ESF1: variants seen among roughly 807,000 people sequenced by gnomAD.
ESF1 encodes ESF1 homolog.
A neutral mutation model predicts 92.0 loss-of-function variants in ESF1; 58 were observed. The observed-to-expected ratio is 0.63, with a 90% confidence interval of 0.51 to 0.78. The LOEUF (loss-of-function observed/expected upper bound fraction) is 0.78, where lower values mean the gene tolerates loss of function less well. ESF1 is among the 30% of genes least tolerant of loss of function. The pLI, the probability that ESF1 is intolerant of heterozygous loss-of-function variation, is 0.00. For missense variants in ESF1, 922 were observed against 989.1 expected, an observed-to-expected ratio of 0.93 and a Z score of 0.91; for synonymous variants, 321 against 313.7, an observed-to-expected ratio of 1.02 and a Z score of -0.24.
chr20:13,782,792 T>C lies in ESF1; in HGVS notation c.349A>G (p.Thr117Ala). 2.5e-6 allele frequency: 4 copies of C among 1,604,652 alleles called. No individual in the cohort carries two copies. The highest frequency in any genetic ancestry group is 3.4e-6 in the Non-Finnish European group (4 of 1,177,950). ...GAACCCTTGTGATTAGCCTTCTTGG[T>C]TTCTTTCTTTTTCTCAACTAGATTT... ...SKNLVEKKKETKKANHKGSEN... is the reference protein window; with the variant it reads ...SKNLVEKKKEAKKANHKGSEN... Residue 117 changes from threonine (T) to alanine (A), a missense_variant, in exon 2 of 14, where the codon ACC (threonine) becomes GCC (alanine). Coordinates refer to ENST00000617257, the MANE Select transcript of ESF1 (RefSeq NM_001276380.2).
chr20:13,717,956 CTT>C (rs758741323), intron 12 of ESF1, among the ~76,000 whole-genome samples: 3 of 134,618 alleles, frequency 2.2e-5, no homozygotes. Flanking sequence ...TTTTTTTTTG[CTT>C]TTTTTTTTTT....
chr20:13,727,595 T>C (rs558896912), intron 11 of ESF1, among the ~76,000 whole-genome samples: 2 of 152,164 alleles, frequency 1.3e-5, no homozygotes, highest in Non-Finnish European at 2.9e-5. Context: ...TGAGAACAAA[T>C]GGTAAATCCT....
At position 13,772,415 on chromosome 20, in the gene ESF1, C is replaced by A; in HGVS notation, c.1250+100G>T. 5 of 839,834 alleles carry A rather than the reference C, an allele frequency of 6.0e-6. No homozygotes were observed. The South Asian group carries it at 6.4e-5, about 11-fold the overall frequency. The allele number at this position is 839,834 out of a possible 1,614,324, so 52.0% of individuals were successfully genotyped here. ...CAACCTGTTTTAACCACGAATGGCA[C>A]AAGTATAAACTTTAGTTTTAACTAT... is the stretch of plus-strand genomic sequence containing the variant. On this transcript the variant is annotated intron_variant, in intron 5 of 13. Transcript: ENST00000617257.
At chr20:13,716,642 CTTTTTTTTTTTTT>C (rs1274212917) in intron 13 of ESF1, among the ~76,000 whole-genome samples, 1 of 132,882 alleles carries the variant, frequency 7.5e-6, no homozygotes. Context: ...CTTTTTTTTT[CTTTTTTTTTTTTT>C]TTTGAGACAG....
intron 8 of ESF1, among the ~76,000 whole-genome samples, chr20:13,761,378 T>G (rs1486160134): frequency 7.9e-6 from 1 of 127,222 alleles, no homozygotes; most frequent in East Asian, 2.3e-4. Flanking sequence ...AATGATCAAT[T>G]AAAAAAAAAT....
rs58809594 is a variant in ESF1 at position 13,748,592 on chromosome 20, ATTTTTTT to A, written c.1828+11093_1828+11099del. 3.8e-4 allele frequency among the ~76,000 whole-genome samples: 36 copies of A among 95,722 alleles called. 1 individual carries two copies. The South Asian group carries it at 5.0e-3, about 13-fold the overall frequency. The allele number at this position is 95,722 out of a possible 152,430, so 62.8% of individuals were successfully genotyped here. On this transcript the variant is annotated intron_variant, in intron 9 of 13. Transcript: ENST00000617257. ...TGTGTGTGTATATATATATATATAT[ATTTTTTT>A]TTTTTTGAGATGGAGTGTTGCTCTG...
chr20:13,721,273 C>T (rs553147664), intron 11 of ESF1, among the ~76,000 whole-genome samples: 2 of 152,262 alleles, frequency 1.3e-5, no homozygotes, highest in South Asian at 4.1e-4. Context: ...AATTATTTCG[C>T]CTATCTCACA....
At chr20:13,748,255 C>T (rs1185400882) in intron 9 of ESF1, among the ~76,000 whole-genome samples, 1 of 152,006 alleles carries the variant, frequency 6.6e-6, no homozygotes, top group Non-Finnish European at 1.5e-5. Flanking sequence ...TTAAGCAAGT[C>T]TATGCTTCAG....
At chr20:13,754,504 T>C (rs144941348) in intron 9 of ESF1, among the ~76,000 whole-genome samples, 154 of 152,318 alleles carry the variant, frequency 1.0e-3, no homozygotes, top group African/African-American at 3.6e-3. Context: ...CCCTGTACTC[T>C]TAACTGTATA....
chr20:13,763,140 C>T (rs928633812), intron 8 of ESF1, among the ~76,000 whole-genome samples: 58 of 152,070 alleles, frequency 3.8e-4, no homozygotes, highest in Non-Finnish European at 6.5e-4. Flanking sequence ...GGATTACAGG[C>T]GTGAGCTGCC....
Position 13,775,202 on chromosome 20 carries a change from C to T in ESF1, c.1104G>A (p.Leu368=). The T allele has an allele frequency of 1.2e-6, 2 of 1,610,484 alleles. No homozygotes were observed. Among genetic ancestry groups the T allele is most frequent in the African/African-American group, 1.3e-5 (1 of 74,822 alleles). The part of the protein sequence containing the change: ...DRLKAKDLLA[L]FNSFKPKGGV... The stretch of plus-strand genomic sequence containing the variant: ...CTCCTTTGGGTTTAAATGAATTGAA[C>T]AGAGCCAGCAAATCTTTTGCCTTTA... Residue 368 remains leucine (L), a synonymous_variant, in exon 4 of 14, where the codon CTG becomes CTA. Coordinates refer to ENST00000617257, the MANE Select transcript of ESF1 (RefSeq NM_001276380.2).
chr20:13,747,146 A>G (rs2069228587), intron 9 of ESF1, among the ~76,000 whole-genome samples: 1 of 152,070 alleles, frequency 6.6e-6, no homozygotes, highest in South Asian at 2.1e-4. Context: ...AAACAGAGTA[A>G]TCCTTTAAGG....
chr20:13,744,056 T>C (rs769724209), intron 9 of ESF1, among the ~76,000 whole-genome samples: 1 of 152,184 alleles, frequency 6.6e-6, no homozygotes, highest in Admixed American at 6.5e-5. Flanking sequence ...TAGTGGGTGG[T>C]GGGTTCACTT....
intron 2 of ESF1, among the ~76,000 whole-genome samples, chr20:13,782,018 A>G (rs1251970252): frequency 1.3e-5 from 2 of 152,166 alleles, no homozygotes; most frequent in Admixed American, 6.5e-5. Flanking sequence ...CTGGGACTAC[A>G]GGTGTGCGCC....
rs1006755219 is a variant in ESF1 at position 13,771,595 on chromosome 20, C to G, written c.1251-112G>C. The stretch of plus-strand genomic sequence containing the variant: ...ACATATTACAAGCTGGCCTTCATAC[C>G]AAACCATCTTTCCTTCATGACTTTG... On this transcript the variant is annotated intron_variant, in intron 5 of 13. Transcript: ENST00000617257. The G allele has an allele frequency of 6.3e-6, 5 of 796,632 alleles. No homozygotes were observed. In the African/African-American group the frequency reaches 8.7e-5, roughly 14 times the overall value. 49.3% of individuals were successfully genotyped at this position (796,632 alleles called of 1,614,324 possible). A position where few individuals can be genotyped will look rare whatever the true frequency, so the allele number is the denominator to read the frequency against.
At chr20:13,775,737 T>G (rs1979901805) in intron 3 of ESF1, 136 bp downstream of exon 3, 3 of 980,852 alleles carry the variant, frequency 3.1e-6, no homozygotes, top group Non-Finnish European at 4.3e-6. Context: ...TTATATTCCA[T>G]ATCAAATTTT....
chr20:13,746,068 G>A (rs953952965), intron 9 of ESF1, among the ~76,000 whole-genome samples: 1 of 152,022 alleles, frequency 6.6e-6, no homozygotes, highest in East Asian at 1.9e-4. Flanking sequence ...GGGCTCAAGA[G>A]ATTCTCAAGC....
At chr20:13,772,170 GCAAA>G (rs1214570424) in intron 5 of ESF1, among the ~76,000 whole-genome samples, 1 of 150,536 alleles carries the variant, frequency 6.6e-6, no homozygotes, top group Admixed American at 6.6e-5. Flanking sequence ...TAATTTGAAG[GCAAA>G]CAGAGCTTCA....
chr20:13,777,481 A>C (rs910102252), intron 2 of ESF1, among the ~76,000 whole-genome samples: 3 of 152,222 alleles, frequency 2.0e-5, no homozygotes, highest in African/African-American at 7.2e-5. Flanking sequence ...CAATAATAAG[A>C]GTGTACAGCT....
Sources: allele counts gnomAD v4.1 joint callset (sites outside exome capture counted in the v4.1 genomes callset), GRCh38; gene constraint gnomAD v4.1.1; transcripts MANE v1.5; gene names NCBI Gene and HGNC (gene_info 2026-07-23, HGNC 2026-07-21).